PFKFB3: variants seen among roughly 807,000 people sequenced by gnomAD.
The protein encoded by PFKFB3 is 6-phosphofructo-2-kinase/fructose-2,6-biphosphatase 3, also known as 6-phosphofructo-2-kinase/fructose-2,6-bisphosphatase 3.
Under a neutral mutation model 68.0 loss-of-function variants are expected in PFKFB3, and 33 were observed. The observed-to-expected ratio is 0.49, with a 90% CI of 0.37 to 0.65. The LOEUF (loss-of-function observed/expected upper bound fraction) is 0.65. PFKFB3 is among the 30% of genes least tolerant of loss of function. The pLI is 0.00. For missense variants in PFKFB3, 586 were observed against 712.2 expected, an observed-to-expected ratio of 0.82 and a Z score of 2.02; for synonymous variants, 315 against 288.2, an observed-to-expected ratio of 1.09 and a Z score of -0.94.
At chr10:6,291,066 A>G in the PFKFB3 span, among the ~76,000 whole-genome samples, 1 of 152,160 alleles carries the variant, frequency 6.6e-6, no homozygotes, top group Non-Finnish European at 1.5e-5. Context: ...AAAATAGAAT[A>G]GGCATAAATC....
chr10:6,220,594 G>A lies in PFKFB3; in HGVS notation c.624-64G>A. On this transcript the variant is annotated intron_variant, in intron 7 of 14. Transcript: ENST00000379775. This position sits in a 1 kb window ranked among gnomAD's most constrained non-coding sequence, Gnocchi z 4.1. ...TCTGGGGATCACATCTTCGGAGACG[G>A]GCCAGGTGCATCCTGCTGTGGGTGG... 5 of 1,460,972 alleles carry A rather than the reference G, an allele frequency of 3.4e-6. No individual in the cohort carries two copies. Among genetic ancestry groups the A allele is most frequent in the Non-Finnish European group, 4.8e-6 (5 of 1,045,462 alleles). 90.5% of individuals were successfully genotyped at this position (1,460,972 alleles called of 1,614,324 possible).
chr10:6,214,429 G>A, intron 2 of PFKFB3, among the ~76,000 whole-genome samples: 1 of 152,052 alleles, frequency 6.6e-6, no homozygotes, highest in Admixed American at 6.6e-5. Context: ...AAAAGGATGG[G>A]GACTGCTGTT....
chr10:6,218,184 C>G (rs760444713), intron 6 of PFKFB3, among the ~76,000 whole-genome samples: 1 of 152,174 alleles, frequency 6.6e-6, no homozygotes, highest in Non-Finnish European at 1.5e-5. Context: ...GCTGTGAAGT[C>G]ATTTTTCCCA....
intron 1 of PFKFB3, among the ~76,000 whole-genome samples, chr10:6,156,673 A>G (rs1162017670): frequency 6.6e-6 from 1 of 150,898 alleles, no homozygotes; most frequent in Non-Finnish European, 1.5e-5. Flanking sequence ...TTTTTAGTAG[A>G]GATGGGGTTT....
intron 6 of PFKFB3, among the ~76,000 whole-genome samples, chr10:6,217,561 T>TGTG (rs59932880): frequency 0.97 from 147,812 of 152,146 alleles, 71,933 homozygotes; most frequent in East Asian, 1. Flanking sequence ...GATCACTTGC[T>TGTG]ACAGCTCCAG....
At chr10:6,156,129 A>ATGTGTGTATGTGTGTGTG (rs373582528) in intron 1 of PFKFB3, among the ~76,000 whole-genome samples, 15 of 96,860 alleles carry the variant, frequency 1.5e-4, no homozygotes, top group African/African-American at 4.0e-4. Flanking sequence ...GTACATATAT[A>ATGTGTGTATGTGTGTGTG]TGTGTGTGTG....
At chr10:6,307,368 C>G in the PFKFB3 span, among the ~76,000 whole-genome samples, 1 of 143,776 alleles carries the variant, frequency 7.0e-6, no homozygotes, top group Non-Finnish European at 1.5e-5. Context: ...CACACACACA[C>G]TCACCCTACT....
At chr10:6,243,873 C>T (rs1411151565) in intron 14 of PFKFB3, among the ~76,000 whole-genome samples, 1 of 152,042 alleles carries the variant, frequency 6.6e-6, no homozygotes, top group East Asian at 1.9e-4. Flanking sequence ...ACTTAGTGTG[C>T]GCCATCATGC....
At chr10:6,218,173 A>C (rs1374153320) in intron 6 of PFKFB3, among the ~76,000 whole-genome samples, 1 of 152,188 alleles carries the variant, frequency 6.6e-6, no homozygotes, top group East Asian at 1.9e-4. Context: ...AGCAGGGTGC[A>C]GCTGTGAAGT....
the PFKFB3 span, among the ~76,000 whole-genome samples, chr10:6,320,447 A>G: frequency 1.3e-5 from 2 of 150,940 alleles, no homozygotes; most frequent in Non-Finnish European, 2.9e-5. Flanking sequence ...ATGAAGAAAC[A>G]GCTTCTTCTT....
chr10:6,305,946 C>T, the PFKFB3 span, among the ~76,000 whole-genome samples: 1 of 152,192 alleles, frequency 6.6e-6, no homozygotes, highest in Non-Finnish European at 1.5e-5. Flanking sequence ...TCCCCTTCTC[C>T]CCAGAGTGCT....
chr10:6,153,532 A>G (rs917235840), intron 1 of PFKFB3, among the ~76,000 whole-genome samples: 34 of 152,082 alleles, frequency 2.2e-4, no homozygotes, highest in African/African-American at 8.2e-4. Context: ...ATGGATGTGA[A>G]TGCCAAGAAG....
chr10:6,172,102 C>T (rs1266711447), intron 1 of PFKFB3, among the ~76,000 whole-genome samples: 1 of 152,250 alleles, frequency 6.6e-6, no homozygotes, highest in Non-Finnish European at 1.5e-5. Flanking sequence ...TCTCCCGGAA[C>T]ACCCTGGGGA....
At chr10:6,236,437 G>A (rs1413033383), downstream of PFKFB3, among the ~76,000 whole-genome samples, 5 of 152,020 alleles carry the variant, frequency 3.3e-5, no homozygotes, top group East Asian at 1.9e-4. Flanking sequence ...TTTTTTTTCC[G>A]GAGCCCCCCA....
intron 1 of PFKFB3, among the ~76,000 whole-genome samples, chr10:6,153,314 G>C (rs1047787102): frequency 2.0e-5 from 3 of 152,198 alleles, no homozygotes; most frequent in Non-Finnish European, 2.9e-5. Context: ...TAAGCTCTTC[G>C]GTCCTTTCAG....
chr10:6,306,703 C>T, the PFKFB3 span, among the ~76,000 whole-genome samples: 10 of 152,308 alleles, frequency 6.6e-5, no homozygotes, highest in South Asian at 1.0e-3. Context: ...TTCATCACGA[C>T]TTCCCCCATG....
intron 1 of PFKFB3, among the ~76,000 whole-genome samples, chr10:6,177,488 T>TTTCTTTC (rs1564600050): frequency 1.1e-4 from 5 of 45,284 alleles, no homozygotes; most frequent in Admixed American, 2.6e-4. Flanking sequence ...TTCTTTCTTT[T>TTTCTTTC]TCTTTTCTTT....
rs71391803 is a variant in PFKFB3, at chr10:6,249,178, TAAAAAAAA to T, written c.1516-4982_1516-4975del. Among the ~76,000 whole-genome samples the T allele has an allele frequency of 9.6e-4, 74 of 76,960 alleles. No homozygotes were observed. The East Asian group carries it at 0.012, about 13-fold the overall frequency. The allele number at this position is 76,960 out of a possible 152,430, so 50.5% of individuals were successfully genotyped here. A position where few individuals can be genotyped will look rare whatever the true frequency, so the allele number is the denominator to read the frequency against. ...AACAAGAGCAAAACTCCGTCTCAATTAAAAAAAAAAAAAAAAAAAAAAAAAGAAAAGAA... is the reference window on the plus strand; with the variant it reads ...AACAAGAGCAAAACTCCGTCTCAATTAAAAAAAAAAAAAAAAAGAAAAGAA... On this transcript the variant is annotated intron_variant, in intron 14 of 14. Coordinates refer to the PFKFB3 transcript ENST00000640683.
upstream of PFKFB3, chr10:6,202,853 T>C (rs1843420312): frequency 2.0e-6 from 2 of 1,023,158 alleles, no homozygotes; most frequent in Non-Finnish European, 2.4e-6. Context: ...ACCCAAGGAA[T>C]GCGGCCCGCC....
Sources: allele counts gnomAD v4.1 joint callset (sites outside exome capture counted in the v4.1 genomes callset), GRCh38; gene constraint gnomAD v4.1.1; non-coding constraint Gnocchi (gnomAD v3.1); transcripts MANE v1.5; gene names NCBI Gene and HGNC (gene_info 2026-07-23, HGNC 2026-07-21).